The following ADGRB3 variants were observed in gnomAD, a reference collection of about 807,000 sequenced individuals.
ADGRB3 encodes the protein adhesion G protein-coupled receptor B3.
A neutral mutation model predicts 193.4 loss-of-function variants in ADGRB3; 37 were observed. The ratio of observed to expected loss-of-function variants is 0.19; its 90% CI spans 0.15 to 0.25. The LOEUF is 0.25. Ranked by LOEUF, ADGRB3 falls within the 10% of genes least tolerant of loss-of-function variation. ADGRB3 has a pLI of 1.00. For missense variants in ADGRB3, 1,637 were observed against 1,852.9 expected (o/e 0.88, Z 2.14); for synonymous variants, 690 against 644.2 (o/e 1.07, Z -1.08).
At chr6:68,738,176 G>A (rs900941983) in intron 3 of ADGRB3, among the ~76,000 whole-genome samples, 4 of 152,104 alleles carry the variant, frequency 2.6e-5, no homozygotes, top group Non-Finnish European at 5.9e-5. Context: ...AGCATTGCTG[G>A]GAATTTGGAG....
At chr6:68,882,968 A>C (rs1765774589) in intron 3 of ADGRB3, among the ~76,000 whole-genome samples, 1 of 151,934 alleles carries the variant, frequency 6.6e-6, no homozygotes, top group Non-Finnish European at 1.5e-5. Context: ...ATCTCTGCTT[A>C]CTGCAAGCTC....
intron 3 of ADGRB3, among the ~76,000 whole-genome samples, chr6:68,642,483 C>T (rs1046126865): frequency 2.6e-5 from 4 of 152,042 alleles, no homozygotes; most frequent in East Asian, 1.9e-4. Flanking sequence ...CAGAAAAGAA[C>T]GGCAAGAAAA....
At position 68,975,274 on chromosome 6, in the gene ADGRB3, G is replaced by A. The variant is rs1768710219; in HGVS notation, c.1668G>A (p.Val556=). The change falls in exon 10 of 32, where the codon GTG becomes GTA. Residue 556 remains valine (V), a synonymous_variant. Transcript: ENST00000370598. Reference sequence around the variant, plus strand: ...GCTGCTCTCTCAGTCTTCATGGAGTGGCCTTCTGGGAACAGCCGAGCTTTG... The same window carrying A: ...GCTGCTCTCTCAGTCTTCATGGAGTAGCCTTCTGGGAACAGCCGAGCTTTG... ...SRRCSLSLHG[V]AFWEQPSFAR... The A allele has an allele frequency of 6.2e-7, 1 of 1,613,864 alleles. No homozygotes were observed. Among genetic ancestry groups the A allele is most frequent in the Non-Finnish European group, 8.5e-7 (1 of 1,179,956 alleles).
intron 3 of ADGRB3, among the ~76,000 whole-genome samples, chr6:68,862,392 G>A (rs1765181808): frequency 6.6e-6 from 1 of 152,164 alleles, no homozygotes; most frequent in Admixed American, 6.5e-5. Flanking sequence ...AATGGGAAGT[G>A]TTTCATCCTT....
intron 20 of ADGRB3, among the ~76,000 whole-genome samples, chr6:69,295,301 T>C (rs929782777): frequency 3.3e-5 from 5 of 152,192 alleles, no homozygotes; most frequent in African/African-American, 1.2e-4. Flanking sequence ...CATACTGCCT[T>C]CAATTGAAAA....
Position 69,220,984 on chromosome 6 carries a change from T to C in ADGRB3, c.2481-12306T>C, listed in dbSNP as rs967644911. On this transcript the variant is annotated intron_variant, in intron 17 of 31. Transcript: ENST00000370598. Reference sequence around the variant, plus strand: ...AGGTTTCAGATTTCTTAATTGGGGTTGTCGGTGGACAAGCTGTATATTTGT... The same window carrying C: ...AGGTTTCAGATTTCTTAATTGGGGTCGTCGGTGGACAAGCTGTATATTTGT... Among the ~76,000 whole-genome samples, 67 of 152,208 alleles carry C rather than the reference T, an allele frequency of 4.4e-4. 1 individual carries two copies. The highest frequency in any genetic ancestry group is 1.5e-3 in the African/African-American group (63 of 41,550).
intron 3 of ADGRB3, among the ~76,000 whole-genome samples, chr6:68,725,119 G>T (rs976825351): frequency 6.6e-6 from 1 of 151,668 alleles, no homozygotes; most frequent in African/African-American, 2.4e-5. Flanking sequence ...GACATTCAAA[G>T]TCATTTTGTA....
At chr6:69,082,591 A>G (rs943401408) in intron 17 of ADGRB3, among the ~76,000 whole-genome samples, 4 of 151,908 alleles carry the variant, frequency 2.6e-5, no homozygotes, top group Non-Finnish European at 5.9e-5. Flanking sequence ...GGTTATCGTC[A>G]TTTTTTATTT....
At chr6:69,246,604 T>C (rs1341032789) in intron 20 of ADGRB3, among the ~76,000 whole-genome samples, 1 of 152,202 alleles carries the variant, frequency 6.6e-6, no homozygotes, top group Non-Finnish European at 1.5e-5. Flanking sequence ...TGATTATTCA[T>C]TTCCAGATTT....
chr6:69,383,474 C>T (rs1769995877), intron 31 of ADGRB3, among the ~76,000 whole-genome samples: 1 of 151,946 alleles, frequency 6.6e-6, no homozygotes, highest in Non-Finnish European at 1.5e-5. Context: ...AATCTTAGTA[C>T]AGGACTTCAT....
chr6:68,787,488 A>G (rs1238779660), intron 3 of ADGRB3, among the ~76,000 whole-genome samples: 2 of 152,224 alleles, frequency 1.3e-5, no homozygotes, highest in African/African-American at 4.8e-5. Context: ...CCAGCCTTGC[A>G]TCCCAGGGAT....
intron 17 of ADGRB3, among the ~76,000 whole-genome samples, chr6:69,132,666 T>C (rs1329826314): frequency 6.6e-6 from 1 of 152,218 alleles, no homozygotes; most frequent in Non-Finnish European, 1.5e-5. Context: ...TTTGTTGCCA[T>C]TGCTTTTGGA....
intron 3 of ADGRB3, among the ~76,000 whole-genome samples, chr6:68,754,372 TAACTGAAAATCAAAAAGAAGATA>T (rs1323744732): frequency 5.3e-5 from 8 of 152,242 alleles, no homozygotes; most frequent in Non-Finnish European, 1.0e-4. Flanking sequence ...TCACCAAGTG[TAACTGAAAATCAAAAAGAAGATA>T]AACTTCCCTC....
Position 68,991,643 on chromosome 6 carries a change from C to T in ADGRB3, c.1735-2125C>T, listed in dbSNP as rs1264354493. Among the ~76,000 whole-genome samples the T allele has an allele frequency of 4.0e-5, 6 of 151,154 alleles. No individual in the cohort carries two copies. In the East Asian group the frequency reaches 5.8e-4, roughly 15 times the overall value. ...ATGTTATTGAGGAAGAGCAAAAAGA[C>T]AAGTGCCACTAGAGCACAGCAAATG... On this transcript the variant is annotated intron_variant, in intron 10 of 31. Transcript: ENST00000370598.
rs978166465 is a variant in ADGRB3, at chr6:69,238,694, T to C, written c.2712-430T>C. 3.0e-4 allele frequency among the ~76,000 whole-genome samples: 45 copies of C among 152,162 alleles called. 1 individual carries two copies. Among genetic ancestry groups the C allele is most frequent in the African/African-American group, 8.9e-4 (37 of 41,556 alleles). On this transcript the variant is annotated intron_variant, in intron 19 of 31. Transcript: ENST00000370598. ...CTTCACAATTTGAGTTTTTTCTTTTTGGTTCTCAAAGTTTATATTGGTTGA... is the reference window on the plus strand; with the variant it reads ...CTTCACAATTTGAGTTTTTTCTTTTCGGTTCTCAAAGTTTATATTGGTTGA...
chr6:68,684,968 C>T lies in ADGRB3; in HGVS notation c.757+45536C>T, dbSNP rs80012837. On this transcript the variant is annotated intron_variant, in intron 3 of 31. Transcript: ENST00000370598. ...GCTTCATTTTCTTACTCTTCTCAACCCTAAATATTGGTACCATTTACCTTC... is the reference window on the plus strand; with the variant it reads ...GCTTCATTTTCTTACTCTTCTCAACTCTAAATATTGGTACCATTTACCTTC... 1.0e-3 allele frequency among the ~76,000 whole-genome samples: 154 copies of T among 152,054 alleles called. 1 individual carries two copies. In the East Asian group the frequency reaches 0.024, roughly 23 times the overall value.
At chr6:68,987,479 G>A (rs967111175) in intron 10 of ADGRB3, among the ~76,000 whole-genome samples, 5 of 152,026 alleles carry the variant, frequency 3.3e-5, no homozygotes, top group Admixed American at 6.6e-5. Flanking sequence ...TCTCCTTAAC[G>A]CAAACATGGT....
chr6:69,195,709 T>C (rs58928253), intron 17 of ADGRB3, among the ~76,000 whole-genome samples: 21,827 of 152,112 alleles, frequency 0.14, 1,634 homozygotes, highest in Middle Eastern at 0.17. Context: ...ACAAAGTTTT[T>C]TTTTTGTTTG....
At position 69,272,186 on chromosome 6, in the gene ADGRB3, A is replaced by G. The variant is rs373691848; in HGVS notation, c.2814+32960A>G. ...GGTCCTAATAGTTGTAGAAATTTCCATCTGCATTTGGGATAGGTCCTGAGA... is the reference window on the plus strand; with the variant it reads ...GGTCCTAATAGTTGTAGAAATTTCCGTCTGCATTTGGGATAGGTCCTGAGA... On this transcript the variant is annotated intron_variant, in intron 20 of 31. Transcript: ENST00000370598. 9.5e-4 allele frequency among the ~76,000 whole-genome samples: 144 copies of G among 152,344 alleles called. 1 individual carries two copies. The South Asian group carries it at 0.023, about 24-fold the overall frequency.
Sources: gnomAD v4.1 joint callset for allele counts (sites outside exome capture counted in the v4.1 genomes callset) on GRCh38, gnomAD v4.1.1 for gene constraint, MANE v1.5 for transcripts, NCBI Gene and HGNC (gene_info 2026-07-23, HGNC 2026-07-21) for gene names.